Variants in MS4A10 observed in about 807,000 individuals in gnomAD.
The protein encoded by MS4A10 is membrane spanning 4-domains A10.
Under a neutral mutation model 27.7 loss-of-function variants are expected in MS4A10, and 27 were observed. That is an observed-to-expected ratio of 0.98 (90% CI 0.72 to 1.35). The LOEUF is 1.35. Among genes scored for constraint, MS4A10 ranks in the 40% most tolerant of loss-of-function variants. The pLI, the probability that MS4A10 is intolerant of heterozygous loss-of-function variation, is 0.00. For missense variants in MS4A10, 338 were observed against 324.7 expected (o/e 1.04, Z -0.32); for synonymous variants, 139 against 131.2 (o/e 1.06, Z -0.41).
intron 7 of MS4A10, among the ~76,000 whole-genome samples, chr11:60,799,001 G>A (rs978790527): frequency 2.6e-5 from 4 of 152,232 alleles, no homozygotes; most frequent in South Asian, 2.1e-4. Flanking sequence ...GGGAGCCTGT[G>A]TGTCTGAATC....
intron 4 of MS4A10, among the ~76,000 whole-genome samples, chr11:60,792,834 C>A (rs529435388): frequency 6.6e-6 from 1 of 152,212 alleles, no homozygotes; most frequent in African/African-American, 2.4e-5. Flanking sequence ...CCACTCAAGA[C>A]AACCTGTATG....
intron 4 of MS4A10, among the ~76,000 whole-genome samples, chr11:60,792,730 C>T (rs961801045): frequency 7.2e-5 from 11 of 152,208 alleles, no homozygotes; most frequent in African/African-American, 1.7e-4. Flanking sequence ...GCAGATGGAA[C>T]GGTGGTCCTC....
At chr11:60,794,570 T>C (rs1854491497) in intron 5 of MS4A10, among the ~76,000 whole-genome samples, 1 of 152,208 alleles carries the variant, frequency 6.6e-6, no homozygotes, top group South Asian at 2.1e-4. Context: ...AGTGGGTCTT[T>C]GACTCCAAGC....
In MS4A10 at chr11:60,788,767, A is replaced by G. The variant is rs561390616; in HGVS notation, c.-22-1547A>G. Among the ~76,000 whole-genome samples, 29 of 152,314 alleles carry G rather than the reference A, an allele frequency of 1.9e-4. 2 individuals carry two copies. In the East Asian group the frequency reaches 5.0e-3, roughly 26 times the overall value. On this transcript the variant is annotated intron_variant, in intron 1 of 7. Coordinates refer to ENST00000308287, the MANE Select transcript of MS4A10 (RefSeq NM_206893.4). The stretch of plus-strand genomic sequence containing the variant: ...GTCGTCACTGCAGGACCATGGAGAT[A>G]TCAATCAGGGGGTCCTACCCAGCAG...
chr11:60,799,831 C>A lies in MS4A10; in HGVS notation c.726C>A (p.Leu242=), dbSNP rs780670510. ...GDAQHKQHQR[L]REVKQVAPDT... ...TTAATATCTCCATTTCATGCAGGCT[C>A]AGAGAAGTTAAGCAAGTTGCCCCGG... is the stretch of plus-strand genomic sequence containing the variant. The change falls in exon 8 of 8, where the codon CTC becomes CTA. Residue 242 remains leucine, a synonymous_variant. Coordinates refer to ENST00000308287, the MANE Select transcript of MS4A10 (RefSeq NM_206893.4). The A allele has an allele frequency of 3.3e-5, 46 of 1,399,894 alleles. No homozygotes were observed. Among genetic ancestry groups the A allele is most frequent in the Non-Finnish European group, 4.5e-5 (45 of 989,396 alleles). The allele number at this position is 1,399,894 out of a possible 1,614,324, so 86.7% of individuals were successfully genotyped here.
At position 60,790,305 on chromosome 11, in the gene MS4A10, G is replaced by A. The variant is rs202141480; in HGVS notation, c.-22-9G>A. 5.3e-5 allele frequency: 86 copies of A among 1,611,174 alleles called. No individual in the cohort carries two copies. Among genetic ancestry groups the A allele is most frequent in the African/African-American group, 1.3e-4 (10 of 74,982 alleles). On this transcript the variant is annotated splice_polypyrimidine_tract_variant and intron_variant, in intron 1 of 7. Transcript: ENST00000308287. ...ACGGGTTCTGACGGCCTTCCTCCCCGTCCTGCAGCCAGGGCCCCCATCCAG... is the reference window on the plus strand; with the variant it reads ...ACGGGTTCTGACGGCCTTCCTCCCCATCCTGCAGCCAGGGCCCCCATCCAG...
intron 1 of MS4A10, among the ~76,000 whole-genome samples, chr11:60,785,673 G>A (rs374755865): frequency 1.3e-5 from 2 of 152,134 alleles, no homozygotes; most frequent in African/African-American, 4.8e-5. Context: ...CCCAGCAGAG[G>A]GGATCTGGGA....
At position 60,790,450 on chromosome 11, in the gene MS4A10, C is replaced by A. The variant is rs770906516; in HGVS notation, c.115C>A (p.Pro39Thr). Residue 39 changes from proline to threonine, a missense_variant, in exon 2 of 8, where the codon CCC becomes ACC. Transcript: ENST00000308287. ...AAGTGCACCCCAGAACACGACCCAG[C>A]CCAAGCTCCTGGCTCCACACCAGCA... Reference protein sequence around the residue: ...QTSAPQNTTQPKLLAPHQHEK... With the variant: ...QTSAPQNTTQTKLLAPHQHEK... 2 of 1,614,168 alleles carry A rather than the reference C, an allele frequency of 1.2e-6. No individual in the cohort carries two copies. Among genetic ancestry groups the A allele is most frequent in the South Asian group, 1.1e-5 (1 of 91,074 alleles).
intron 1 of MS4A10, among the ~76,000 whole-genome samples, chr11:60,786,083 C>T (rs72914932): frequency 0.2 from 30,773 of 151,902 alleles, 3,219 homozygotes; most frequent in Admixed American, 0.25. Context: ...ACCAGCCTGC[C>T]TGTCACATGT....
At position 60,795,631 on chromosome 11, in the gene MS4A10, T is replaced by C; in HGVS notation, c.569T>C (p.Val190Ala). The C allele has an allele frequency of 6.3e-7, 1 of 1,594,054 alleles. No homozygotes were observed. ...LELFLPVPTA[V>A]TAWRGDCPSA... ...CTCTTCCTGCCAGTGCCCACAGCTG[T>C]CACAGCCTGGAGAGGGGACTGCCCA... Residue 190 changes from valine to alanine, a missense_variant, in exon 6 of 8, where the codon GTC (valine) becomes GCC (alanine). By Grantham distance (64) the Val-to-Ala change is moderately conservative. Transcript: ENST00000308287.
Position 60,799,988 on chromosome 11 carries a change from A to T in MS4A10, c.*79A>T. 1 of 1,609,390 alleles carries T rather than the reference A, an allele frequency of 6.2e-7. No individual in the cohort carries two copies. Among genetic ancestry groups the T allele is most frequent in the Non-Finnish European group, 8.5e-7 (1 of 1,177,428 alleles). The stretch of plus-strand genomic sequence containing the variant: ...CCAAAGTTGCACTTTCACTGGGAAG[A>T]TGAGATTTGCACATACAAAAGGCTA... On this transcript the variant is annotated 3_prime_UTR_variant, in exon 8 of 8. Coordinates refer to ENST00000308287, the MANE Select transcript of MS4A10 (RefSeq NM_206893.4).
rs1464588188 is a variant in MS4A10 at position 60,801,080 on chromosome 11, C to T, written c.*1171C>T. On this transcript the variant is annotated 3_prime_UTR_variant, in exon 8 of 8. Transcript: ENST00000308287. ...GTGCTAGGATTACAGGCATGAGCCA[C>T]CACCCCTGGCTGAAACCCAATCTTT... 4 of 152,204 alleles carry T rather than the reference C, an allele frequency of 2.6e-5. No individual in the cohort carries two copies. Among genetic ancestry groups the T allele is most frequent in the Non-Finnish European group, 4.4e-5 (3 of 68,042 alleles). 9.4% of individuals were successfully genotyped at this position (152,204 alleles called of 1,614,324 possible). A position where few individuals can be genotyped will look rare whatever the true frequency, so the allele number is the denominator to read the frequency against.
chr11:60,799,087 C>A (rs930340098), intron 7 of MS4A10, among the ~76,000 whole-genome samples: 2 of 152,196 alleles, frequency 1.3e-5, no homozygotes, highest in African/African-American at 2.4e-5. Flanking sequence ...CTGAACTAGA[C>A]CCTCTGCATG....
intron 2 of MS4A10, among the ~76,000 whole-genome samples, chr11:60,790,731 T>G (rs1854415638): frequency 6.6e-6 from 1 of 152,200 alleles, no homozygotes; most frequent in Non-Finnish European, 1.5e-5. Context: ...GGCCCTGTCC[T>G]GGGGAGAATG....
At chr11:60,793,929 CT>C in intron 4 of MS4A10, 42 bp from the exon 5 acceptor site, 1 of 1,609,176 alleles carries the variant, frequency 6.2e-7, no homozygotes, top group Non-Finnish European at 8.5e-7. Context: ...AGCCCCAGGT[CT>C]CCACCCTTTG....
intron 2 of MS4A10, 95 bp from the exon 3 acceptor site, chr11:60,790,879 G>T: frequency 2.0e-6 from 3 of 1,529,570 alleles, no homozygotes; most frequent in Admixed American, 1.8e-5. Flanking sequence ...GGACAGAAGG[G>T]ACTCACCACA....
In MS4A10 at chr11:60,790,477, G is replaced by C. The variant is rs374960907; in HGVS notation, c.142G>C (p.Glu48Gln). 2.5e-6 allele frequency: 4 copies of C among 1,614,024 alleles called. No individual in the cohort carries two copies. Among genetic ancestry groups the C allele is most frequent in the Non-Finnish European group, 3.4e-6 (4 of 1,180,030 alleles). The stretch of plus-strand genomic sequence containing the variant: ...CAAGCTCCTGGCTCCACACCAGCAC[G>C]AGAAGTCCCAGAAGAAGAGCAGCCT... ...QPKLLAPHQH[E>Q]KSQKKSSLLK... Residue 48 changes from glutamate (E) to glutamine (Q), a missense_variant, in exon 2 of 8, where the codon GAG (glutamate) becomes CAG (glutamine). Physicochemically the swap from Glu to Gln is conservative, Grantham distance 29. Transcript: ENST00000308287.
At position 60,798,450 on chromosome 11, in the gene MS4A10, G is replaced by A. The variant is rs745811371; in HGVS notation, c.658G>A (p.Val220Met). Residue 220 changes from valine to methionine, a missense_variant, in exon 7 of 8, where the codon GTG (valine) becomes ATG (methionine). Coordinates refer to ENST00000308287, the MANE Select transcript of MS4A10 (RefSeq NM_206893.4). ...ACCATTGCATCTCAAAGGCCTGCCGGTGGAGCCCCCGCCATCCTACCAGAG... is the reference window on the plus strand; with the variant it reads ...ACCATTGCATCTCAAAGGCCTGCCGATGGAGCCCCCGCCATCCTACCAGAG... ...NTPLHLKGLP[V>M]EPPPSYQSVI... The A allele has an allele frequency of 1.2e-6, 2 of 1,614,150 alleles. No homozygotes were observed. The highest frequency in any genetic ancestry group is 2.2e-5 in the East Asian group (1 of 44,890).
At chr11:60,798,362 G>A in intron 6 of MS4A10, 34 bp from the exon 7 acceptor site, 1 of 1,524,134 alleles carries the variant, frequency 6.6e-7, no homozygotes, top group Non-Finnish European at 9.1e-7. Context: ...CTCCACAGCT[G>A]TGAGCAGCAG....
Sources: allele counts gnomAD v4.1 joint callset (sites outside exome capture counted in the v4.1 genomes callset), GRCh38; gene constraint gnomAD v4.1.1; transcripts MANE v1.5; gene names NCBI Gene and HGNC (gene_info 2026-07-23, HGNC 2026-07-21).